The following ITGA11 variants were observed in gnomAD, a reference collection of about 807,000 sequenced individuals.
ITGA11 encodes integrin alpha-11.
A neutral mutation model predicts 141.9 loss-of-function variants in ITGA11; 97 were observed. That is an observed-to-expected ratio of 0.68 (90% CI 0.58 to 0.81). The LOEUF is 0.81. ITGA11 is among the 30% of genes least tolerant of loss of function. ITGA11 has a pLI of 0.00. For missense variants in ITGA11, 1,387 were observed against 1,559.2 expected (o/e 0.89, Z 1.86); for synonymous variants, 658 against 624.6 (o/e 1.05, Z -0.80).
chr15:68,404,301 C>T (rs995171699), intron 1 of ITGA11, among the ~76,000 whole-genome samples: 26 of 152,118 alleles, frequency 1.7e-4, no homozygotes, highest in Non-Finnish European at 3.5e-4. Context: ...CGTCTGGCTT[C>T]GGCAGGGGCT....
At chr15:68,419,331 C>T (rs1173089107) in intron 1 of ITGA11, among the ~76,000 whole-genome samples, 1 of 152,186 alleles carries the variant, frequency 6.6e-6, no homozygotes, top group Non-Finnish European at 1.5e-5. Context: ...ACTCCATCTG[C>T]CTTTGCTAGA....
At position 68,300,581 on chromosome 15, in the gene ITGA11, A is replaced by G. The variant is rs1450818085; in HGVS notation, c.*2478T>C. ...GGCACTCTTAAGGCTCATCTTGGGT[A>G]TTTATACTTCAGGGTAAATAGATTC... On this transcript the variant is annotated 3_prime_UTR_variant, in exon 30 of 30. Transcript: ENST00000315757. 1 of 152,220 alleles carries G rather than the reference A, an allele frequency of 6.6e-6. No individual in the cohort carries two copies. Among genetic ancestry groups the G allele is most frequent in the African/African-American group, 2.4e-5 (1 of 41,444 alleles). The allele number at this position is 152,220 out of a possible 1,614,324, so 9.4% of individuals were successfully genotyped here.
intron 7 of ITGA11, among the ~76,000 whole-genome samples, chr15:68,356,023 A>G (rs1895060146): frequency 6.6e-6 from 1 of 152,236 alleles, no homozygotes; most frequent in African/African-American, 2.4e-5. Flanking sequence ...TACTGGAATA[A>G]GCATGTAGCC....
At chr15:68,318,258 T>G (rs1215142384) in intron 20 of ITGA11, among the ~76,000 whole-genome samples, 2 of 152,126 alleles carry the variant, frequency 1.3e-5, no homozygotes, top group African/African-American at 4.8e-5. Flanking sequence ...CCACTTCTCT[T>G]TACCTCCACT....
intron 2 of ITGA11, among the ~76,000 whole-genome samples, chr15:68,387,823 T>C (rs188013769): frequency 6.6e-6 from 1 of 152,044 alleles, no homozygotes; most frequent in Admixed American, 6.5e-5. Context: ...CACAATCCTC[T>C]CCTCTTCTGC....
chr15:68,351,467 C>G, intron 7 of ITGA11, 65 bp from the exon 8 acceptor site: 1 of 1,549,210 alleles, frequency 6.5e-7, no homozygotes, highest in Admixed American at 1.9e-5. Flanking sequence ...CCCTGACGCT[C>G]CTGCAGAGGG....
chr15:68,403,666 A>G (rs1416472220), intron 1 of ITGA11, among the ~76,000 whole-genome samples: 3 of 148,128 alleles, frequency 2.0e-5, no homozygotes, highest in Admixed American at 6.7e-5. Flanking sequence ...ACAGAGTCTC[A>G]CTCTGTGGCC....
At position 68,399,601 on chromosome 15, in the gene ITGA11, T is replaced by C. The variant is rs369459344; in HGVS notation, c.164+3317A>G. On this transcript the variant is annotated intron_variant, in intron 2 of 29. Coordinates refer to ENST00000315757, the MANE Select transcript of ITGA11 (RefSeq NM_001004439.2). ...GATTGGATAAAGAAACTGTGGTTCA[T>C]ATACACCACGGAATACTACACAACC... Among the ~76,000 whole-genome samples the C allele has an allele frequency of 2.0e-4, 30 of 152,258 alleles. No individual in the cohort carries two copies. The East Asian group carries it at 4.8e-3, about 24-fold the overall frequency.
In ITGA11 at chr15:68,333,347, C is replaced by T. The variant is rs1894239824; in HGVS notation, c.1426-869G>A. Among the ~76,000 whole-genome samples, 1 of 152,206 alleles carries T rather than the reference C, an allele frequency of 6.6e-6. No homozygotes were observed. Among genetic ancestry groups the T allele is most frequent in the African/African-American group, 2.4e-5 (1 of 41,438 alleles). On this transcript the variant is annotated intron_variant, in intron 12 of 29. Transcript: ENST00000315757. This position sits in a 1 kb window ranked among gnomAD's most constrained non-coding sequence, Gnocchi z 4.2. ...AACTCCTACGCTTCAGTGATCCTCC[C>T]ACCTCAGCCTCTCAAAGTGCTGGGA... is the stretch of plus-strand genomic sequence containing the variant.
intron 1 of ITGA11, among the ~76,000 whole-genome samples, chr15:68,431,068 C>A (rs1469051606): frequency 6.6e-6 from 1 of 152,248 alleles, no homozygotes; most frequent in Non-Finnish European, 1.5e-5. Context: ...TGGCCCTTGC[C>A]GGAGCACTTG....
At chr15:68,378,465 CA>C (rs1895781241) in intron 2 of ITGA11, among the ~76,000 whole-genome samples, 1 of 151,978 alleles carries the variant, frequency 6.6e-6, no homozygotes, top group African/African-American at 2.4e-5. Context: ...GGCAACATAG[CA>C]AGACCCCATC....
intron 20 of ITGA11, 85 bp from the exon 21 acceptor site, chr15:68,317,448 C>G: frequency 1.1e-6 from 1 of 939,852 alleles, no homozygotes. Flanking sequence ...CAGCCTGCAC[C>G]CCACTCTGCA....
chr15:68,315,822 G>A (rs956803114), intron 21 of ITGA11, 95 bp from the exon 22 acceptor site: 22 of 1,032,732 alleles, frequency 2.1e-5, no homozygotes, highest in Admixed American at 5.3e-5. Flanking sequence ...GGCTTGGGGA[G>A]AGGGAGCTTG....
chr15:68,357,582 A>AT (rs1895109547), intron 6 of ITGA11, among the ~76,000 whole-genome samples: 1 of 152,234 alleles, frequency 6.6e-6, no homozygotes. Flanking sequence ...TCTTAGGAAA[A>AT]CAAAAGCAGA....
At chr15:68,401,650 C>A (rs1228069040) in intron 2 of ITGA11, among the ~76,000 whole-genome samples, 1 of 152,100 alleles carries the variant, frequency 6.6e-6, no homozygotes, top group Non-Finnish European at 1.5e-5. Context: ...TCAAAACTAA[C>A]CTATGGAGAT....
In ITGA11 at chr15:68,333,945, C is replaced by T. The variant is rs560065016; in HGVS notation, c.1426-1467G>A. 1.7e-3 allele frequency among the ~76,000 whole-genome samples: 256 copies of T among 152,358 alleles called. No homozygotes were observed. Among genetic ancestry groups the T allele is most frequent in the African/African-American group, 5.9e-3 (245 of 41,580 alleles). On this transcript the variant is annotated intron_variant, in intron 12 of 29. Coordinates refer to ENST00000315757, the MANE Select transcript of ITGA11 (RefSeq NM_001004439.2). The surrounding 1 kb of genome is among the most constrained non-coding windows in gnomAD (Gnocchi z 4.2). The stretch of plus-strand genomic sequence containing the variant: ...TCCCTCTGCACAAGCTTTTCTCTTG[C>T]ATGCACTCCCCGCCCCTGCGTCCTC...
intron 10 of ITGA11, among the ~76,000 whole-genome samples, chr15:68,345,060 C>A (rs745553934): frequency 1.7e-4 from 26 of 152,048 alleles, no homozygotes; most frequent in Non-Finnish European, 3.4e-4. Context: ...TAGTCCCCCT[C>A]TGGAGGTGTG....
rs1894882292 is a variant in ITGA11, at chr15:68,350,749, G to T, written c.928C>A (p.Pro310Thr). The T allele has an allele frequency of 6.2e-7, 1 of 1,613,826 alleles. No homozygotes were observed. Among genetic ancestry groups the T allele is most frequent in the East Asian group, 2.2e-5 (1 of 44,862 alleles). Residue 310 changes from proline to threonine, a missense_variant, in exon 9 of 30, where the codon CCA becomes ACA. Transcript: ENST00000315757. ...TTGATTTCATTTAGAAAAGTTTCTG[G>T]ATTGATCCCCCTGCGGTTGTAGTAG... is the stretch of plus-strand genomic sequence containing the variant. ...LGYYNRRGIN[P>T]ETFLNEIKYI...
rs544479257 is a variant in ITGA11 at position 68,354,062 on chromosome 15, C to T, written c.750-2660G>A. Among the ~76,000 whole-genome samples, 45 of 152,262 alleles carry T rather than the reference C, an allele frequency of 3.0e-4. No homozygotes were observed. In the South Asian group the frequency reaches 8.9e-3, roughly 30 times the overall value. Reference sequence around the variant, plus strand: ...GGTCATCCGTCAGGGAAGCCTTTCCCCACCACCCTGTGCATGCTGATTCTG... The same window carrying T: ...GGTCATCCGTCAGGGAAGCCTTTCCTCACCACCCTGTGCATGCTGATTCTG... On this transcript the variant is annotated intron_variant, in intron 7 of 29. Coordinates refer to ENST00000315757, the MANE Select transcript of ITGA11 (RefSeq NM_001004439.2).
Sources: allele counts gnomAD v4.1 joint callset (sites outside exome capture counted in the v4.1 genomes callset), GRCh38; gene constraint gnomAD v4.1.1; non-coding constraint Gnocchi (gnomAD v3.1); transcripts MANE v1.5; gene names NCBI Gene and HGNC (gene_info 2026-07-23, HGNC 2026-07-21).